DNAH1: variants seen among roughly 807,000 people sequenced by gnomAD.
DNAH1 encodes axonemal beta dynein heavy chain 1.
DNAH1 carries 327 observed loss-of-function variants against 484.3 expected under a neutral mutation model. The observed-to-expected ratio is 0.68, with a 90% CI of 0.62 to 0.74. The LOEUF (loss-of-function observed/expected upper bound fraction) is 0.74, where lower values mean the gene tolerates loss of function less well. Ranked by LOEUF, DNAH1 falls within the 30% of genes least tolerant of loss-of-function variation. DNAH1 has a pLI of 0.00. For synonymous variants in DNAH1, 2,192 were observed against 2,191.9 expected (o/e 1.00, Z 0.00); for missense variants, 5,052 against 5,546.8 (o/e 0.91, Z 2.83).
Position 52,317,642 on chromosome 3 carries a change from G to T in DNAH1, c.-35+1097G>T, listed in dbSNP as rs1414774355. Among the ~76,000 whole-genome samples the T allele has an allele frequency of 1.3e-5, 2 of 152,224 alleles. 1 individual carries two copies. The highest frequency in any genetic ancestry group is 1.3e-4 in the Admixed American group (2 of 15,292). ...AGGGCACAGGAGGGAAGATGGGTGG[G>T]TAATGGAGCCTAGAAGAGTGACGCT... On this transcript the variant is annotated intron_variant, in intron 1 of 77. Transcript: ENST00000420323.
rs1406224436 is a variant in DNAH1 at position 52,353,204 on chromosome 3, C to T, written c.3129C>T (p.Asp1043=). The T allele has an allele frequency of 1.9e-6, 3 of 1,614,000 alleles. No homozygotes were observed. Among genetic ancestry groups the T allele is most frequent in the Non-Finnish European group, 2.5e-6 (3 of 1,179,888 alleles). The change falls in exon 19 of 78, where the codon GAC becomes GAT. Residue 1043 remains aspartate (D), a synonymous_variant. Transcript: ENST00000420323. This position sits in a 1 kb window ranked among gnomAD's most constrained non-coding sequence, Gnocchi z 5.0. ...GCTGGTCGGAGAGCTGGATGAATGA[C>T]CCCCTCTCTGCCATCGATGCTGAGC... ...WLRWSESWMN[D]PLSAIDAEQL...
chr3:52,331,385 C>T, intron 7 of DNAH1, 76 bp downstream of exon 7: 1 of 1,488,002 alleles, frequency 6.7e-7, no homozygotes, highest in Non-Finnish European at 9.1e-7. Context: ...CCAACTCCGC[C>T]CAGGGCACTG....
rs745367862 is a variant in DNAH1, at chr3:52,322,413, T to C, written c.-30T>C. On this transcript the variant is annotated 5_prime_UTR_variant, in exon 2 of 78. Coordinates refer to ENST00000420323, the MANE Select transcript of DNAH1 (RefSeq NM_015512.5). ...GACGCTGGGTTCTTCTCCTAGGAGC[T>C]TCGGCTGGGGCATCTCCCTGAGAAG... The C allele has an allele frequency of 3.8e-6, 6 of 1,586,844 alleles. No homozygotes were observed. The highest frequency in any genetic ancestry group is 5.1e-6 in the Non-Finnish European group (6 of 1,171,740).
rs373701749 is a variant in DNAH1 at position 52,322,571 on chromosome 3, A to G, written c.129A>G (p.Pro43=). 6 of 1,613,772 alleles carry G rather than the reference A, an allele frequency of 3.7e-6. No individual in the cohort carries two copies. In the African/African-American group the frequency reaches 5.3e-5, roughly 14 times the overall value. The change falls in exon 2 of 78, where the codon CCA becomes CCG. Residue 43 remains proline, a synonymous_variant. Transcript: ENST00000420323. ...GLEYNPGKIL[P]GSDYGLGNPP... ...AGTATAACCCGGGGAAGATTCTTCC[A>G]GGATCAGACTATGGGTTGGGAAATC...
intron 11 of DNAH1, among the ~76,000 whole-genome samples, chr3:52,347,194 A>G (rs984895774): frequency 3.9e-5 from 6 of 152,178 alleles, no homozygotes; most frequent in Non-Finnish European, 8.8e-5. Flanking sequence ...CCTGAGATGT[A>G]AGAAGAAACA....
chr3:52,329,868 T>G (rs909007994), intron 6 of DNAH1, among the ~76,000 whole-genome samples: 3 of 151,070 alleles, frequency 2.0e-5, no homozygotes, highest in African/African-American at 7.3e-5. Flanking sequence ...AAATAAACAG[T>G]TTTTATCTCG....
At chr3:52,350,178 C>T in intron 15 of DNAH1, 70 bp downstream of exon 15, 1 of 1,567,208 alleles carries the variant, frequency 6.4e-7, no homozygotes, top group South Asian at 1.2e-5. Context: ...AGGGCTGGGG[C>T]AGGCAGGGGC....
Position 52,353,682 on chromosome 3 carries a change from C to T in DNAH1, c.3480+49C>T. 6.4e-7 allele frequency: 1 copy of T among 1,551,548 alleles called. No homozygotes were observed. The highest frequency in any genetic ancestry group is 8.7e-7 in the Non-Finnish European group (1 of 1,149,980). ...GCCACTCCAGCCAGGCCCTGCCGGA[C>T]AGCCTGACCTCCTGCTCTGGCAACC... is the stretch of plus-strand genomic sequence containing the variant. On this transcript the variant is annotated intron_variant, in intron 20 of 77. Coordinates refer to ENST00000420323, the MANE Select transcript of DNAH1 (RefSeq NM_015512.5). The surrounding 1 kb of genome is among the most constrained non-coding windows in gnomAD (Gnocchi z 5.0).
chr3:52,394,726 T>A, intron 67 of DNAH1, 65 bp downstream of exon 67: 1 of 1,517,900 alleles, frequency 6.6e-7, no homozygotes, highest in Non-Finnish European at 8.8e-7. Context: ...AGGAAAGGCT[T>A]GTCTGGGCGC....
upstream of DNAH1, among the ~76,000 whole-genome samples, chr3:52,315,106 A>G (rs1034907753): frequency 3.3e-5 from 5 of 152,194 alleles, no homozygotes; most frequent in African/African-American, 1.2e-4. Flanking sequence ...AGGGAGGCTT[A>G]TGTCGGGGAG....
rs1578074472 is a variant in DNAH1, at chr3:52,326,763, AT to A, written c.612del (p.Ile204MetfsTer42). 4 of 1,613,756 alleles carry A rather than the reference AT, an allele frequency of 2.5e-6. No individual in the cohort carries two copies. In the East Asian group the frequency reaches 8.9e-5, roughly 36 times the overall value. ...GAAACAGCAGTACCTGAGCCTGGAC[AT>A]TGAGCAGTTGCTGTTCAGCCAGGGC... is the stretch of plus-strand genomic sequence containing the variant. Reference protein sequence around the residue: ...RRKQQYLSLDIEQLLFSQGID... With the variant: ...RRKQQYLSLDXEQLLFSQGID... On this transcript the variant is annotated frameshift_variant, in exon 5 of 78. Coordinates refer to ENST00000420323, the MANE Select transcript of DNAH1 (RefSeq NM_015512.5). LOFTEE classifies it high-confidence loss of function.
Position 52,327,933 on chromosome 3 carries a change from A to G in DNAH1, c.790A>G (p.Met264Val). Residue 264 changes from methionine (M) to valine (V), a missense_variant, in exon 6 of 78, where the codon ATG becomes GTG. Met to Val is a conservative substitution (Grantham distance 21). Coordinates refer to ENST00000420323, the MANE Select transcript of DNAH1 (RefSeq NM_015512.5). ...DCRTPREWIN[M>V]GLEPGSLDRK... ...CCGGACTCCCAGAGAGTGGATCAAC[A>G]TGGGCTTGGAGCCAGGGTCTCTGGA... The G allele has an allele frequency of 6.2e-7, 1 of 1,613,994 alleles. No homozygotes were observed. The highest frequency in any genetic ancestry group is 8.5e-7 in the Non-Finnish European group (1 of 1,179,848).
intron 77 of DNAH1, 31 bp downstream of exon 77, chr3:52,399,810 T>C (rs1281423941): frequency 1.2e-6 from 2 of 1,604,620 alleles, no homozygotes; most frequent in East Asian, 2.2e-5. Flanking sequence ...GCCTACACTA[T>C]GGGCGGGGAC....
In DNAH1 at chr3:52,349,250, C is replaced by T. The variant is rs1702272305; in HGVS notation, c.2356C>T (p.His786Tyr). 1 of 1,613,982 alleles carries T rather than the reference C, an allele frequency of 6.2e-7. No homozygotes were observed. The highest frequency in any genetic ancestry group is 8.5e-7 in the Non-Finnish European group (1 of 1,179,882). Residue 786 changes from histidine (H) to tyrosine (Y), a missense_variant, in exon 14 of 78, where the codon CAC becomes TAC. Physicochemically the swap from His to Tyr is moderately conservative, Grantham distance 83. Around this residue, in one of 4 missense-constraint regions of DNAH1, gnomAD observed 1,263 missense variants for 1,218.8 expected, o/e 1.04. Coordinates refer to ENST00000420323, the MANE Select transcript of DNAH1 (RefSeq NM_015512.5). ...GGAGGTGCGGGAGGTAGTGCTCACC[C>T]ACCTGCGGGAGAAGGAGATCCTGGA... is the stretch of plus-strand genomic sequence containing the variant. Reference protein sequence around the residue: ...AQEVREVVLTHLREKEILDSS... With the variant: ...AQEVREVVLTYLREKEILDSS...
At chr3:52,383,798 C>G in intron 51 of DNAH1, 62 bp from the exon 52 acceptor site, 2 of 1,514,474 alleles carry the variant, frequency 1.3e-6, no homozygotes, top group African/African-American at 1.4e-5. Flanking sequence ...GGCCCTGGGT[C>G]CTGGGCTCCT....
chr3:52,399,689 G>A lies in DNAH1; in HGVS notation c.12586G>A (p.Ala4196Thr). The part of the protein sequence containing the change: ...SQPKELYTEM[A>T]VIWLLPTPNR... The stretch of plus-strand genomic sequence containing the variant: ...GCCCAAGGAGCTGTACACAGAGATG[G>A]CCGTTATCTGGCTCTTGCCAACACC... Residue 4196 changes from alanine to threonine, a missense_variant, in exon 77 of 78, where the codon GCC becomes ACC. By Grantham distance (58) the Ala-to-Thr change is moderately conservative. Transcript: ENST00000420323. The A allele has an allele frequency of 6.2e-7, 1 of 1,614,020 alleles. No individual in the cohort carries two copies. The highest frequency in any genetic ancestry group is 1.1e-5 in the South Asian group (1 of 91,090).
At chr3:52,398,189 C>G (rs773004271) in intron 75 of DNAH1, 27 bp downstream of exon 75, 1 of 1,588,066 alleles carries the variant, frequency 6.3e-7, no homozygotes, top group Non-Finnish European at 8.6e-7. Flanking sequence ...ACCCCTGCCC[C>G]GAGTCAGCGG....
At chr3:52,389,033 T>G (rs1704248434) in intron 59 of DNAH1, 96 bp downstream of exon 59, 1 of 1,393,464 alleles carries the variant, frequency 7.2e-7, no homozygotes, top group African/African-American at 1.5e-5. Context: ...AGCCTGCAGG[T>G]GGCTCTCCGC....
rs761504421 is a variant in DNAH1 at position 52,391,480 on chromosome 3, G to A, written c.9929G>A (p.Gly3310Glu). The A allele has an allele frequency of 6.2e-7, 1 of 1,613,002 alleles. No individual in the cohort carries two copies. The highest frequency in any genetic ancestry group is 1.7e-5 in the Admixed American group (1 of 59,892). ...KQQGNTVLKLGDTVIPYHEDF... is the reference protein window; with the variant it reads ...KQQGNTVLKLEDTVIPYHEDF... ...CAGGGAAACACGGTGCTGAAGCTGG[G>A]GGACACGGTGATCCCCTACCATGAG... The change falls in exon 63 of 78, where the codon GGG becomes GAG. Residue 3310 changes from glycine to glutamate, a missense_variant. Gly to Glu is a moderately conservative substitution (Grantham distance 98, BLOSUM62 -2). This residue lies in a region of DNAH1 where 2,929 missense variants were observed against 3,409.4 expected (regional missense o/e 0.86). Transcript: ENST00000420323.
Sources: gnomAD v4.1 joint callset for allele counts (sites outside exome capture counted in the v4.1 genomes callset) on GRCh38, gnomAD v4.1.1 for gene constraint, gnomAD v4.1.1 regional missense constraint, Gnocchi (gnomAD v3.1) non-coding constraint, MANE v1.5 for transcripts, NCBI Gene and HGNC (gene_info 2026-07-23, HGNC 2026-07-21) for gene names.